The following ATAD3A variants were observed in gnomAD, a reference collection of about 807,000 sequenced individuals.
The protein encoded by ATAD3A is ATPase family AAA domain-containing protein 3A.
Under a neutral mutation model 73.8 loss-of-function variants are expected in ATAD3A, and 46 were observed. The ratio of observed to expected loss-of-function variants is 0.62; its 90% confidence interval spans 0.49 to 0.80. The LOEUF is 0.80. Among genes scored for constraint, ATAD3A ranks in the 30% least tolerant of loss-of-function variants. The pLI is 0.00. For synonymous variants in ATAD3A, 319 were observed against 350.0 expected (o/e 0.91, Z 0.99); for missense variants, 705 against 838.0 (o/e 0.84, Z 1.96).
chr1:1,515,090 G>T (rs1435051203), intron 1 of ATAD3A, among the ~76,000 whole-genome samples: 1 of 152,068 alleles, frequency 6.6e-6, no homozygotes, highest in Non-Finnish European at 1.5e-5. Flanking sequence ...GGCCCGGATG[G>T]AGATTTTTCT....
At chr1:1,515,154 T>C (rs1488248444) in intron 1 of ATAD3A, among the ~76,000 whole-genome samples, 1 of 152,242 alleles carries the variant, frequency 6.6e-6, no homozygotes, top group Non-Finnish European at 1.5e-5. Flanking sequence ...CTGGGTTCAC[T>C]GCAGCCTCTG....
In ATAD3A at chr1:1,521,228, G is replaced by A. The variant is rs867472026; in HGVS notation, c.750+611G>A. ...GCAGGAGAATCACCTGAACCCGGGA[G>A]GCGGAGCTTGCAGTGAGTCGAGATC... On this transcript the variant is annotated intron_variant, in intron 7 of 15. Coordinates refer to ENST00000378756, the MANE Select transcript of ATAD3A (RefSeq NM_001170535.3). 1.7e-4 allele frequency among the ~76,000 whole-genome samples: 26 copies of A among 149,248 alleles called. 1 individual carries two copies. The highest frequency in any genetic ancestry group is 6.7e-4 in the Admixed American group (10 of 14,946).
chr1:1,526,092 A>G (rs1641833689), intron 12 of ATAD3A, among the ~76,000 whole-genome samples: 1 of 150,386 alleles, frequency 6.6e-6, no homozygotes, highest in South Asian at 2.1e-4. Flanking sequence ...GTGCAATTTC[A>G]GCTCACTACA....
chr1:1,513,538 G>A (rs1315122318), intron 1 of ATAD3A, among the ~76,000 whole-genome samples: 5 of 151,948 alleles, frequency 3.3e-5, no homozygotes, highest in African/African-American at 1.2e-4. Flanking sequence ...GTGGAGCGGG[G>A]CCCGGGGCAG....
chr1:1,527,957 C>A, intron 14 of ATAD3A, 95 bp downstream of exon 14: 1 of 1,214,464 alleles, frequency 8.2e-7, no homozygotes. Context: ...CTTTAACATT[C>A]CTTTTTTTTT....
intron 15 of ATAD3A, among the ~76,000 whole-genome samples, chr1:1,533,184 G>A (rs1289088304): frequency 2.0e-5 from 3 of 152,180 alleles, no homozygotes; most frequent in Admixed American, 6.5e-5. Flanking sequence ...GTCCAGGAAG[G>A]GTCCCCTGCC....
Position 1,523,720 on chromosome 1 carries a change from C to T in ATAD3A, c.964-119C>T. The T allele has an allele frequency of 6.3e-7, 1 of 1,588,120 alleles. No individual in the cohort carries two copies. The highest frequency in any genetic ancestry group is 1.1e-5 in the South Asian group (1 of 87,824). ...ACCGTGCTGGGGATAGATAGGCTGC[C>T]CCTGAGGTGGGAGGCTTCCCGAGGA... On this transcript the variant is annotated intron_variant, in intron 9 of 15. Transcript: ENST00000378756. This position sits in a 1 kb window ranked among gnomAD's most constrained non-coding sequence, Gnocchi z 5.1.
chr1:1,517,091 G>C, intron 2 of ATAD3A: 3 of 1,528,094 alleles, frequency 2.0e-6, no homozygotes, highest in Non-Finnish European at 2.6e-6. Flanking sequence ...TCCCTCCCGG[G>C]GGGCCTTCGC....
chr1:1,533,914 T>C lies in ATAD3A; in HGVS notation c.1615-12T>C, dbSNP rs758917073. Reference sequence around the variant, plus strand: ...CATGGCGGCCTCCCTCAGCTGCCTCTCTCCCCACTAGGCCACGGCGTATGC... The same window carrying C: ...CATGGCGGCCTCCCTCAGCTGCCTCCCTCCCCACTAGGCCACGGCGTATGC... On this transcript the variant is annotated splice_polypyrimidine_tract_variant and intron_variant, in intron 15 of 15. Coordinates refer to ENST00000378756, the MANE Select transcript of ATAD3A (RefSeq NM_001170535.3). 10 of 1,610,664 alleles carry C rather than the reference T, an allele frequency of 6.2e-6. No individual in the cohort carries two copies. The Admixed American group carries it at 1.0e-4, about 16-fold the overall frequency.
intron 7 of ATAD3A, among the ~76,000 whole-genome samples, chr1:1,521,325 A>C (rs1235890781): frequency 4.0e-5 from 6 of 150,202 alleles, no homozygotes; most frequent in Non-Finnish European, 7.4e-5. Flanking sequence ...AAAAAAAAAA[A>C]AAAACCAGAA....
chr1:1,532,178 C>G (rs4549982), intron 15 of ATAD3A, among the ~76,000 whole-genome samples: 4,484 of 151,998 alleles, frequency 0.03, 225 homozygotes, highest in African/African-American at 0.1. Context: ...TTATTATACT[C>G]CTGAATTGGT....
chr1:1,531,077 G>A (rs1379975932), intron 15 of ATAD3A, among the ~76,000 whole-genome samples: 1 of 152,084 alleles, frequency 6.6e-6, no homozygotes, highest in African/African-American at 2.4e-5. Context: ...AGAATCTCTT[G>A]AATCCAGGAG....
chr1:1,527,712 C>T lies in ATAD3A; in HGVS notation c.1355C>T (p.Ala452Val), dbSNP rs1439848178. 1.2e-6 allele frequency: 2 copies of T among 1,612,388 alleles called. No homozygotes were observed. The highest frequency in any genetic ancestry group is 1.7e-5 in the Admixed American group (1 of 59,842). Residue 452 changes from alanine to valine, a missense_variant, in exon 14 of 16, where the codon GCC becomes GTC. By Grantham distance (64) the Ala-to-Val change is moderately conservative. Transcript: ENST00000378756. Reference protein sequence around the residue: ...QHSNKFMLVLASNQPEQFDWA... With the variant: ...QHSNKFMLVLVSNQPEQFDWA... Reference sequence around the variant, plus strand: ...CCCCGCAGGTTCATGCTGGTCCTGGCCAGCAACCAACCAGAGCAGTTCGAC... The same window carrying T: ...CCCCGCAGGTTCATGCTGGTCCTGGTCAGCAACCAACCAGAGCAGTTCGAC...
In ATAD3A at chr1:1,527,585, G is replaced by T. The variant is rs985379930; in HGVS notation, c.1338-110G>T. The T allele has an allele frequency of 2.9e-6, 4 of 1,385,066 alleles. No homozygotes were observed. In the East Asian group the frequency reaches 9.8e-5, roughly 34 times the overall value. 85.8% of individuals were successfully genotyped at this position (1,385,066 alleles called of 1,614,324 possible). ...CGACCAGGGCTGTGCCCGTGTCCTCGTGTTTCCCGCCACTTTAGGTTCTCC... is the reference window on the plus strand; with the variant it reads ...CGACCAGGGCTGTGCCCGTGTCCTCTTGTTTCCCGCCACTTTAGGTTCTCC... On this transcript the variant is annotated intron_variant, in intron 13 of 15. Transcript: ENST00000378756.
At chr1:1,527,584 C>A in intron 13 of ATAD3A, 111 bp from the exon 14 acceptor site, 1 of 1,377,238 alleles carries the variant, frequency 7.3e-7, no homozygotes, top group Admixed American at 2.5e-5. Flanking sequence ...CCCGTGTCCT[C>A]GTGTTTCCCG....
chr1:1,517,994 C>A (rs567546980), intron 4 of ATAD3A, among the ~76,000 whole-genome samples: 1 of 152,042 alleles, frequency 6.6e-6, no homozygotes, highest in South Asian at 2.1e-4. Context: ...CAGGCACCTA[C>A]CCACACGGAC....
chr1:1,521,756 A>G (rs562976129), intron 7 of ATAD3A, among the ~76,000 whole-genome samples: 13 of 152,110 alleles, frequency 8.5e-5, no homozygotes, highest in Admixed American at 3.9e-4. Flanking sequence ...CTGGAGTGCA[A>G]TGGTGCCATC....
At chr1:1,526,233 A>C (rs935259850) in intron 12 of ATAD3A, among the ~76,000 whole-genome samples, 3 of 151,698 alleles carry the variant, frequency 2.0e-5, no homozygotes, top group African/African-American at 7.3e-5. Flanking sequence ...GTTGGCCAGG[A>C]TGGTCTCAAA....
At chr1:1,516,441 G>A (rs1271241949) in intron 2 of ATAD3A, among the ~76,000 whole-genome samples, 4 of 151,998 alleles carry the variant, frequency 2.6e-5, no homozygotes, top group East Asian at 1.9e-4. Context: ...ATTTTGAAAC[G>A]GAGTCTCTGT....
Sources: allele counts gnomAD v4.1 joint callset (sites outside exome capture counted in the v4.1 genomes callset), GRCh38; gene constraint gnomAD v4.1.1; non-coding constraint Gnocchi (gnomAD v3.1); transcripts MANE v1.5; gene names NCBI Gene and HGNC (gene_info 2026-07-23, HGNC 2026-07-21).